The following RTN1 variants were observed in gnomAD, a reference collection of about 807,000 sequenced individuals.
The protein encoded by RTN1 is reticulon 1.
Under a neutral mutation model 65.5 loss-of-function variants are expected in RTN1, and 25 were observed. The ratio of observed to expected loss-of-function variants is 0.38; its 90% CI spans 0.28 to 0.53. The LOEUF is 0.53. Among genes scored for constraint, RTN1 ranks in the 20% least tolerant of loss-of-function variants. The probability of loss-of-function intolerance (pLI) is 0.79; values close to 1 mark genes in which losing one functional copy is unlikely to be tolerated. For missense variants in RTN1, 983 were observed against 1,025.4 expected, an observed-to-expected ratio of 0.96 and a Z score of 0.57; for synonymous variants, 471 against 447.6, an observed-to-expected ratio of 1.05 and a Z score of -0.66.
Position 59,870,339 on chromosome 14 carries a change from G to T in RTN1, c.241+51C>A, listed in dbSNP as rs767423409. The T allele has an allele frequency of 1.4e-6, 2 of 1,431,558 alleles. No individual in the cohort carries two copies. Among genetic ancestry groups the T allele is most frequent in the South Asian group, 1.5e-5 (1 of 64,920 alleles). 88.7% of individuals were successfully genotyped at this position (1,431,558 alleles called of 1,614,324 possible). A position where few individuals can be genotyped will look rare whatever the true frequency, so the allele number is the denominator to read the frequency against. ...AGAGCCGCGCAGAAGGGGACTGACT[G>T]GGGGGCCCTGGTCCCCGACGCCATT... On this transcript the variant is annotated intron_variant, in intron 1 of 8. Transcript: ENST00000267484. This position sits in a 1 kb window ranked among gnomAD's most constrained non-coding sequence, Gnocchi z 5.1.
intron 1 of RTN1, among the ~76,000 whole-genome samples, chr14:59,782,056 C>T (rs1886165269): frequency 6.6e-6 from 1 of 152,032 alleles, no homozygotes; most frequent in Non-Finnish European, 1.5e-5. Context: ...TTAAAGAGAC[C>T]ACTGAGAGCT....
chr14:59,707,580 G>A (rs979767963), intron 3 of RTN1, among the ~76,000 whole-genome samples: 3 of 152,062 alleles, frequency 2.0e-5, no homozygotes, highest in Admixed American at 1.3e-4. Context: ...ATATAGCAAT[G>A]GTGCTGAATT....
At position 59,727,563 on chromosome 14, in the gene RTN1, G is replaced by A; in HGVS notation, c.1121C>T (p.Pro374Leu). 6.2e-7 allele frequency: 1 copy of A among 1,611,956 alleles called. No individual in the cohort carries two copies. The change falls in exon 3 of 9, where the codon CCA (proline) becomes CTA (leucine). Residue 374 changes from proline (P) to leucine (L), a missense_variant. Pro to Leu is a moderately conservative substitution (Grantham distance 98). Around this residue, in one of 2 missense-constraint regions of RTN1, gnomAD observed 818 missense variants for 801.8 expected, o/e 1.02. Coordinates refer to ENST00000267484, the MANE Select transcript of RTN1 (RefSeq NM_021136.3). The surrounding 1 kb of genome is among the most constrained non-coding windows in gnomAD (Gnocchi z 4.2). ...GTCGGCCAGCTGGCCCACCGGCCGT[G>A]GGTTCTCGGCGGTTTCATACGATAA... ...KGLSYETAEN[P>L]RPVGQLADRP...
chr14:59,700,210 A>G (rs771748477), intron 3 of RTN1, among the ~76,000 whole-genome samples: 13 of 152,148 alleles, frequency 8.5e-5, no homozygotes, highest in Non-Finnish European at 1.6e-4. Context: ...CAACTACAAC[A>G]TGTTGTTGAA....
At chr14:59,735,242 G>A (rs1236537879) in intron 2 of RTN1, among the ~76,000 whole-genome samples, 1 of 152,100 alleles carries the variant, frequency 6.6e-6, no homozygotes, top group Non-Finnish European at 1.5e-5. Context: ...AGGAAACACT[G>A]AATATGGAAA....
chr14:59,636,890 A>G (rs967531388), intron 3 of RTN1, among the ~76,000 whole-genome samples: 4 of 152,246 alleles, frequency 2.6e-5, no homozygotes, highest in Non-Finnish European at 5.9e-5. Context: ...CTGAGCCTTC[A>G]GTAATTCATA....
At chr14:59,777,823 A>C (rs1036590559) in intron 1 of RTN1, among the ~76,000 whole-genome samples, 1 of 43,626 alleles carries the variant, frequency 2.3e-5, no homozygotes, top group Non-Finnish European at 4.5e-5. Context: ...CAACAACAAC[A>C]AAAAAAAAAA....
At chr14:59,720,827 T>A (rs555328074) in intron 3 of RTN1, among the ~76,000 whole-genome samples, 1 of 152,136 alleles carries the variant, frequency 6.6e-6, no homozygotes, top group African/African-American at 2.4e-5. Context: ...ATCCAGCAGT[T>A]ACTGGTCCAT....
intron 3 of RTN1, among the ~76,000 whole-genome samples, chr14:59,646,795 C>A (rs1882906969): frequency 6.6e-6 from 1 of 151,956 alleles, no homozygotes; most frequent in South Asian, 2.1e-4. Context: ...GAACGAAGCA[C>A]TAAATATGGA....
intron 3 of RTN1, among the ~76,000 whole-genome samples, chr14:59,680,506 G>A (rs1883723949): frequency 1.3e-5 from 2 of 152,186 alleles, no homozygotes; most frequent in African/African-American, 4.8e-5. Flanking sequence ...CAAGGTTAGT[G>A]CCAATTACCA....
intron 1 of RTN1, among the ~76,000 whole-genome samples, chr14:59,851,040 G>GAAAAAA: frequency 6.6e-6 from 1 of 152,002 alleles, no homozygotes. Context: ...GTCATTCATA[G>GAAAAAA]AAAAAACAAA....
chr14:59,820,356 GTT>G (rs34274539), intron 1 of RTN1, among the ~76,000 whole-genome samples: 1 of 79,352 alleles, frequency 1.3e-5, no homozygotes, highest in South Asian at 4.0e-4. Flanking sequence ...CTTATTGATA[GTT>G]TTTTTTTTTT....
At chr14:59,793,314 T>C (rs1300528352) in intron 1 of RTN1, among the ~76,000 whole-genome samples, 2 of 152,206 alleles carry the variant, frequency 1.3e-5, no homozygotes, top group East Asian at 3.8e-4. Flanking sequence ...CAGAGTTCTA[T>C]CCTAGGCACA....
In RTN1 at chr14:59,630,752, C is replaced by G. The variant is rs1250357794; in HGVS notation, c.1766-23260G>C. Reference sequence around the variant, plus strand: ...CGCGCATGGGGATGCGGGCGCCGCTCCACGCGACAGCGTTGGCTGGGCTGC... The same window carrying G: ...CGCGCATGGGGATGCGGGCGCCGCTGCACGCGACAGCGTTGGCTGGGCTGC... On this transcript the variant is annotated intron_variant, in intron 3 of 8. Transcript: ENST00000267484. 7.4e-6 allele frequency: 8 copies of G among 1,086,046 alleles called. No homozygotes were observed. The East Asian group carries it at 4.8e-4, about 65-fold the overall frequency. 67.3% of individuals were successfully genotyped at this position (1,086,046 alleles called of 1,614,324 possible).
intron 1 of RTN1, among the ~76,000 whole-genome samples, chr14:59,768,712 T>C (rs1309357966): frequency 1.3e-5 from 2 of 150,072 alleles, no homozygotes; most frequent in Non-Finnish European, 2.9e-5. Flanking sequence ...TTTAACTCCA[T>C]GTGTCTCGCT....
At chr14:59,630,553 G>A (rs773569168) in intron 3 of RTN1, 12 of 1,610,388 alleles carry the variant, frequency 7.5e-6, no homozygotes, top group Middle Eastern at 3.4e-4. Flanking sequence ...GGGGCGCCGA[G>A]CGTGCACTCA....
intron 3 of RTN1, among the ~76,000 whole-genome samples, chr14:59,674,531 G>T (rs1045291225): frequency 6.6e-6 from 1 of 152,188 alleles, no homozygotes; most frequent in Non-Finnish European, 1.5e-5. Context: ...GCTACAAATT[G>T]CCAGGCTCTA....
At chr14:59,754,709 G>A (rs1885600540) in intron 1 of RTN1, among the ~76,000 whole-genome samples, 1 of 152,110 alleles carries the variant, frequency 6.6e-6, no homozygotes, top group Admixed American at 6.5e-5. Flanking sequence ...ATTTTTCAGG[G>A]AGAACACTAC....
intron 1 of RTN1, among the ~76,000 whole-genome samples, chr14:59,749,917 T>C (rs1885403714): frequency 8.9e-6 from 1 of 111,746 alleles, no homozygotes; most frequent in South Asian, 2.3e-4. Flanking sequence ...GGAATCAACC[T>C]CTTCCTCCTT....
Sources: allele counts gnomAD v4.1 joint callset (sites outside exome capture counted in the v4.1 genomes callset), GRCh38; gene constraint gnomAD v4.1.1; regional missense constraint gnomAD v4.1.1; non-coding constraint Gnocchi (gnomAD v3.1); transcripts MANE v1.5; gene names NCBI Gene and HGNC (gene_info 2026-07-23, HGNC 2026-07-21).